ATP2B2: variants seen among roughly 807,000 people sequenced by gnomAD.
ATP2B2 encodes ATPase plasma membrane Ca2+ transporting 2.
Under a neutral mutation model 120.0 loss-of-function variants are expected in ATP2B2, and 15 were observed. That is an observed-to-expected ratio of 0.12 (90% CI 0.08 to 0.19). The LOEUF is 0.19. ATP2B2 is among the 10% of genes least tolerant of loss of function. ATP2B2 has a pLI of 1.00. For synonymous variants in ATP2B2, 694 were observed against 700.3 expected (o/e 0.99, Z 0.14); for missense variants, 1,045 against 1,719.8 (o/e 0.61, Z 6.94).
intron 2 of ATP2B2, among the ~76,000 whole-genome samples, chr3:10,581,174 C>A (rs1270382027): frequency 1.3e-5 from 2 of 152,206 alleles, no homozygotes; most frequent in Non-Finnish European, 2.9e-5. Flanking sequence ...ATCCACCATG[C>A]CATGTCCCCA....
intron 3 of ATP2B2, 124 bp downstream of exon 3, chr3:10,410,494 C>T: frequency 7.9e-7 from 1 of 1,263,508 alleles, no homozygotes; most frequent in Non-Finnish European, 1.1e-6. Context: ...TGGGGCCCTG[C>T]CCCTTGGACC....
intron 1 of ATP2B2, among the ~76,000 whole-genome samples, chr3:10,471,938 G>C (rs1021993446): frequency 3.4e-4 from 52 of 151,972 alleles, no homozygotes; most frequent in African/African-American, 1.2e-3. Flanking sequence ...AAAATTAGCC[G>C]GGTGTGGTGG....
intron 1 of ATP2B2, among the ~76,000 whole-genome samples, chr3:10,457,952 C>T (rs984328790): frequency 6.6e-6 from 1 of 152,150 alleles, no homozygotes; most frequent in Admixed American, 6.5e-5. Context: ...AAGGGGAGGT[C>T]CAGCCCTTAC....
chr3:10,330,029 T>C (rs2059935842), intron 22 of ATP2B2, among the ~76,000 whole-genome samples: 1 of 152,264 alleles, frequency 6.6e-6, no homozygotes, highest in Admixed American at 6.5e-5. Flanking sequence ...CTGGGGGATT[T>C]TGTTTATTTC....
At chr3:10,704,151 C>CT (rs985703180) in intron 1 of ATP2B2, among the ~76,000 whole-genome samples, 46 of 152,214 alleles carry the variant, frequency 3.0e-4, no homozygotes, top group Non-Finnish European at 6.0e-4. Context: ...AAGTAAAATT[C>CT]TTTTTAGAGG....
intron 1 of ATP2B2, among the ~76,000 whole-genome samples, chr3:10,664,125 A>C (rs977179594): frequency 2.0e-5 from 3 of 152,080 alleles, no homozygotes; most frequent in Non-Finnish European, 4.4e-5. Flanking sequence ...GCAGAGTCTA[A>C]GAGCCAGGGA....
At chr3:10,561,000 T>C (rs899255330) in intron 2 of ATP2B2, among the ~76,000 whole-genome samples, 1 of 152,138 alleles carries the variant, frequency 6.6e-6, no homozygotes, top group Non-Finnish European at 1.5e-5. Flanking sequence ...AGAAAATCCT[T>C]CCGATCATCC....
At chr3:10,391,886 G>A (rs1484066654) in intron 5 of ATP2B2, among the ~76,000 whole-genome samples, 1 of 152,180 alleles carries the variant, frequency 6.6e-6, no homozygotes, top group African/African-American at 2.4e-5. Flanking sequence ...CTGTCTCGTG[G>A]CCTCTGCCTT....
At chr3:10,540,892 T>C (rs1444069301) in intron 2 of ATP2B2, among the ~76,000 whole-genome samples, 29 of 151,522 alleles carry the variant, frequency 1.9e-4, no homozygotes, top group Admixed American at 1.9e-3. Flanking sequence ...TACCTGGTCC[T>C]GGGGATTTTT....
chr3:10,610,370 C>T (rs2069200291), intron 2 of ATP2B2, among the ~76,000 whole-genome samples: 2 of 151,974 alleles, frequency 1.3e-5, no homozygotes, highest in African/African-American at 4.8e-5. Flanking sequence ...TTCCCCACCC[C>T]CAATTTTTGA....
At chr3:10,491,882 T>A (rs898226122) in intron 1 of ATP2B2, among the ~76,000 whole-genome samples, 1 of 152,200 alleles carries the variant, frequency 6.6e-6, no homozygotes. Flanking sequence ...GGACTTCCAA[T>A]AAAACTATGA....
At chr3:10,433,111 G>A (rs1271343614) in intron 2 of ATP2B2, among the ~76,000 whole-genome samples, 1 of 152,240 alleles carries the variant, frequency 6.6e-6, no homozygotes, top group Non-Finnish European at 1.5e-5. Context: ...CTCCCCACCA[G>A]ATGTGCTCCA....
intron 2 of ATP2B2, among the ~76,000 whole-genome samples, chr3:10,421,885 A>G (rs34921): frequency 0.62 from 93,562 of 152,098 alleles, 30,004 homozygotes; most frequent in African/African-American, 0.78. Flanking sequence ...CCAGAAGAAC[A>G]TTTACTATCA....
At chr3:10,374,371 C>A (rs1418187525) in intron 11 of ATP2B2, among the ~76,000 whole-genome samples, 1 of 152,220 alleles carries the variant, frequency 6.6e-6, no homozygotes, top group Admixed American at 6.5e-5. Context: ...GTATTTGTTA[C>A]ACAGAACTGC....
intron 1 of ATP2B2, among the ~76,000 whole-genome samples, chr3:10,692,930 G>GGA (rs1384979657): frequency 2.0e-5 from 3 of 152,198 alleles, no homozygotes; most frequent in African/African-American, 7.2e-5. Context: ...TGGCAGCCCT[G>GGA]GATCCTGCAA....
At chr3:10,648,316 T>C (rs1241603355) in intron 1 of ATP2B2, among the ~76,000 whole-genome samples, 1 of 152,192 alleles carries the variant, frequency 6.6e-6, no homozygotes, top group African/African-American at 2.4e-5. Flanking sequence ...CTTCCCGGCT[T>C]TCCTGACTAA....
intron 5 of ATP2B2, chr3:10,394,469 GT>G: frequency 2.1e-6 from 1 of 471,270 alleles, no homozygotes; most frequent in South Asian, 1.6e-5. Context: ...ACAGCTGTGA[GT>G]GGTGGAGCCG....
intron 1 of ATP2B2, among the ~76,000 whole-genome samples, chr3:10,494,990 G>C (rs2066085660): frequency 6.6e-6 from 1 of 152,200 alleles, no homozygotes; most frequent in Non-Finnish European, 1.5e-5. Context: ...AGGTGCTTAA[G>C]ACATGTAAAC....
At chr3:10,531,958 C>T (rs922932744) in intron 3 of ATP2B2, among the ~76,000 whole-genome samples, 3 of 152,032 alleles carry the variant, frequency 2.0e-5, no homozygotes, top group African/African-American at 7.3e-5. Context: ...GTCTGGGTGG[C>T]CCTCATGTCC....
Sources: allele counts gnomAD v4.1 joint callset (sites outside exome capture counted in the v4.1 genomes callset), GRCh38; gene constraint gnomAD v4.1.1; transcripts MANE v1.5; gene names NCBI Gene and HGNC (gene_info 2026-07-23, HGNC 2026-07-21).